Variants in TTN observed in about 807,000 individuals in gnomAD.
TTN encodes the protein connectin.
In TTN, 1,525 loss-of-function variants were observed where a neutral mutation model predicts 3,223.0. That is an observed-to-expected ratio of 0.47 (90% CI 0.45 to 0.49). The LOEUF (loss-of-function observed/expected upper bound fraction) is 0.49. TTN is among the 20% of genes least tolerant of loss of function. The probability of loss-of-function intolerance (pLI) is 0.00; values close to 1 mark genes in which losing one functional copy is unlikely to be tolerated. For synonymous variants in TTN, 14,094 were observed against 15,161.0 expected (o/e 0.93, Z 5.17); for missense variants, 40,786 against 43,424.0 (o/e 0.94, Z 5.40).
At position 178,725,537 on chromosome 2, in the gene TTN, T is replaced by C. The variant is rs1225853887; in HGVS notation, c.20667A>G (p.Lys6889=). 1.9e-6 allele frequency: 3 copies of C among 1,613,162 alleles called. No homozygotes were observed. The African/African-American group carries it at 4.0e-5, about 22-fold the overall frequency. Residue 6889 remains lysine (K), a synonymous_variant, in exon 71 of 363, where the codon AAA becomes AAG. Transcript: ENST00000589042. The stretch of plus-strand genomic sequence containing the variant: ...TTTCTCTAATCACTTCTTCCTTCTC[T>C]TTAAGCCACTGGACAAAAATAGGCT... The part of the protein sequence containing the change: ...GAQPIFVQWL[K]EKEEVIRESE...
Position 178,604,289 on chromosome 2 carries a change from G to A in TTN, c.54398C>T (p.Pro18133Leu). The stretch of plus-strand genomic sequence containing the variant: ...GACTCGGAACTCATACTGACCATTG[G>A]GGATAAGTTTCCAGATCTAGAAATT... ...EKRYGIWKLI[P>L]NGQYEFRVRA... The change falls in exon 282 of 363, where the codon CCC (proline) becomes CTC (leucine). Residue 18133 changes from proline to leucine, a missense_variant. By Grantham distance (98) the Pro-to-Leu change is moderately conservative. Transcript: ENST00000589042. The A allele has an allele frequency of 6.8e-7, 1 of 1,465,006 alleles. No individual in the cohort carries two copies. 90.8% of individuals were successfully genotyped at this position (1,465,006 alleles called of 1,614,324 possible). A position where few individuals can be genotyped will look rare whatever the true frequency, so the allele number is the denominator to read the frequency against.
Position 178,617,441 on chromosome 2 carries a change from G to T in TTN, c.47644C>A (p.Pro15882Thr), listed in dbSNP as rs1165988992. ...TQSSVQLKWE[P>T]PLKDGGSPIL... ...GGGCTTCCTCCATCTTTCAGAGGAG[G>T]TTCCCATTTGAGCTGAACTGATGAC... Residue 15882 changes from proline to threonine, a missense_variant, in exon 254 of 363, where the codon CCT becomes ACT. By Grantham distance (38) the Pro-to-Thr change is conservative. Coordinates refer to ENST00000589042, the MANE Select transcript of TTN (RefSeq NM_001267550.2). 1 of 1,597,416 alleles carries T rather than the reference G, an allele frequency of 6.3e-7. No homozygotes were observed.
At chr2:178,607,723 G>T (rs754401549) in intron 276 of TTN, 38 bp from the exon 277 acceptor site, 1 of 1,611,542 alleles carries the variant, frequency 6.2e-7, no homozygotes, top group South Asian at 1.1e-5. Context: ...GCCCATGAAA[G>T]ATTAAAAAAT....
At position 178,535,652 on chromosome 2, in the gene TTN, A is replaced by G. The variant is rs984242810; in HGVS notation, c.100963T>C (p.Phe33655Leu). The G allele has an allele frequency of 3.7e-6, 6 of 1,613,730 alleles. No individual in the cohort carries two copies. The highest frequency in any genetic ancestry group is 5.1e-6 in the Non-Finnish European group (6 of 1,179,798). ...TCTTTTCTCTCTACCCCATTGGGGA[A>G]AACAAGTGATGTGAAGGATCTTGTG... ...IVTRSFTSLVFPNGVERKDAG... is the reference protein window; with the variant it reads ...IVTRSFTSLVLPNGVERKDAG... The change falls in exon 358 of 363, where the codon TTC becomes CTC. Residue 33655 changes from phenylalanine to leucine, a missense_variant. Phe to Leu is a conservative substitution (Grantham distance 22). Transcript: ENST00000589042.
chr2:178,528,587 T>G lies in TTN; in HGVS notation c.107164A>C (p.Thr35722Pro), dbSNP rs755302099. ...GATGGCTCGCCACTGATTTCACAAG[T>G]AAAGAGAACATTTTGTCCTTCATTA... ...NINEGQNVLFTCEISGEPSPE... is the reference protein window; with the variant it reads ...NINEGQNVLFPCEISGEPSPE... The change falls in exon 360 of 363, where the codon ACT (threonine) becomes CCT (proline). Residue 35722 changes from threonine (T) to proline (P), a missense_variant. Thr to Pro is a conservative substitution (Grantham distance 38). Transcript: ENST00000589042. 1 of 1,613,186 alleles carries G rather than the reference T, an allele frequency of 6.2e-7. No individual in the cohort carries two copies. The highest frequency in any genetic ancestry group is 8.5e-7 in the Non-Finnish European group (1 of 1,179,494).
rs1185015274 is a variant in TTN, at chr2:178,634,679, GAAAT to G, written c.42151+40_42151+43del. 4 of 1,611,576 alleles carry G rather than the reference GAAAT, an allele frequency of 2.5e-6. No individual in the cohort carries two copies. Among genetic ancestry groups the G allele is most frequent in the African/African-American group, 2.7e-5 (2 of 74,624 alleles). ...GGCTTTTCAGAATGCACAGGGAAGT[GAAAT>G]AAAGTTGAGACCCCTCCCCAAATTC... On this transcript the variant is annotated intron_variant, in intron 229 of 362. Coordinates refer to ENST00000589042, the MANE Select transcript of TTN (RefSeq NM_001267550.2). This position sits in a 1 kb window ranked among gnomAD's most constrained non-coding sequence, Gnocchi z 4.6.
chr2:178,678,055 A>G (rs1434648945), intron 145 of TTN, 70 bp downstream of exon 145: 1 of 1,559,642 alleles, frequency 6.4e-7, no homozygotes, highest in Non-Finnish European at 8.7e-7. Flanking sequence ...AGCATTAATT[A>G]TAATTAGTAA....
chr2:178,587,234 T>G lies in TTN; in HGVS notation c.63977A>C (p.His21326Pro). The G allele has an allele frequency of 6.2e-7, 1 of 1,613,224 alleles. No homozygotes were observed. The highest frequency in any genetic ancestry group is 8.5e-7 in the Non-Finnish European group (1 of 1,179,454). The change falls in exon 307 of 363, where the codon CAT becomes CCT. Residue 21326 changes from histidine to proline, a missense_variant. His to Pro is a moderately conservative substitution (Grantham distance 77). Coordinates refer to ENST00000589042, the MANE Select transcript of TTN (RefSeq NM_001267550.2). ...VTPEVKKTSFHVTNLVPGNEY... is the reference protein window; with the variant it reads ...VTPEVKKTSFPVTNLVPGNEY... Reference sequence around the variant, plus strand: ...ATTCCCAGGGACAAGATTGGTTACATGGAAGCTTGTTTTCTTAACTTCTGG... The same window carrying G: ...ATTCCCAGGGACAAGATTGGTTACAGGGAAGCTTGTTTTCTTAACTTCTGG...
chr2:178,552,753 G>A lies in TTN; in HGVS notation c.90147C>T (p.Leu30049=). 6.2e-7 allele frequency: 1 copy of A among 1,613,940 alleles called. No individual in the cohort carries two copies. Among genetic ancestry groups the A allele is most frequent in the Non-Finnish European group, 8.5e-7 (1 of 1,179,832 alleles). Residue 30049 remains leucine, a synonymous_variant, in exon 335 of 363, where the codon CTC becomes CTT. Transcript: ENST00000589042. ...CATCAAAGTCAGGTTTGGTCCAGCTGAGGATGACAGATGTCTTTGTTGAGT... is the reference window on the plus strand; with the variant it reads ...CATCAAAGTCAGGTTTGGTCCAGCTAAGGATGACAGATGTCTTTGTTGAGT... ...MKDSTKTSVI[L]SWTKPDFDGG...
chr2:178,564,756 G>T lies in TTN; in HGVS notation c.81376C>A (p.Pro27126Thr). 6.2e-7 allele frequency: 1 copy of T among 1,612,454 alleles called. No homozygotes were observed. Among genetic ancestry groups the T allele is most frequent in the East Asian group, 2.2e-5 (1 of 44,654 alleles). The change falls in exon 326 of 363, where the codon CCC becomes ACC. Residue 27126 changes from proline to threonine, a missense_variant. Transcript: ENST00000589042. Reference sequence around the variant, plus strand: ...GTTTTGAATTTGGTGTCCTGAATGGGGGTCTTATTTAACTTGACCCATAAA... The same window carrying T: ...GTTTTGAATTTGGTGTCCTGAATGGTGGTCTTATTTAACTTGACCCATAAA... ...SILWVKLNKT[P>T]IQDTKFKTTG...
chr2:178,757,228 T>TACTGTACTTACTTTAAGTACAGTAAGG (rs1561095659), intron 45 of TTN, among the ~76,000 whole-genome samples: 1 of 123,578 alleles, frequency 8.1e-6, no homozygotes, highest in African/African-American at 2.6e-5. Flanking sequence ...CAGTAAGTAA[T>TACTGTACTTACTTTAAGTACAGTAAGG]AATCAGCAAA....
At chr2:178,706,833 A>G (rs1303454069) in intron 101 of TTN, 29 bp downstream of exon 101, 3 of 1,609,548 alleles carry the variant, frequency 1.9e-6, no homozygotes, top group Non-Finnish European at 2.5e-6. Flanking sequence ...AAGATAGATG[A>G]AGATGTACTT....
intron 47 of TTN, among the ~76,000 whole-genome samples, chr2:178,752,203 GCT>G (rs1281109296): frequency 1.3e-5 from 2 of 151,978 alleles, no homozygotes; most frequent in Non-Finnish European, 2.9e-5. Context: ...GCAACACCAT[GCT>G]CTGTTTAAAA....
intron 127 of TTN, among the ~76,000 whole-genome samples, chr2:178,686,994 G>A (rs1187185034): frequency 1.3e-5 from 2 of 152,164 alleles, no homozygotes; most frequent in Non-Finnish European, 2.9e-5. Context: ...CCTCTTCCAG[G>A]AAGCACAACA....
chr2:178,701,351 A>G, intron 110 of TTN, 148 bp from the exon 111 acceptor site: 2 of 1,009,966 alleles, frequency 2.0e-6, no homozygotes, highest in Non-Finnish European at 2.9e-6. Flanking sequence ...GCATTTATTT[A>G]TAACTGGAAC....
At chr2:178,715,857 GCTAGAGAGGTCTTTAGCT>G in intron 88 of TTN, 83 bp from the exon 89 acceptor site, 12 of 1,365,404 alleles carry the variant, frequency 8.8e-6, no homozygotes, top group Non-Finnish European at 1.2e-5. Context: ...AATAATCTTT[GCTAGAGAGGTCTTTAGCT>G]CTGGAAAACA....
intron 219 of TTN, 196 bp from the exon 220 acceptor site, chr2:178,641,511 T>C (rs1457501530): frequency 1.5e-5 from 6 of 388,092 alleles, no homozygotes; most frequent in South Asian, 4.6e-5. Context: ...TCAATTATAA[T>C]AGCACTCAAA....
In TTN at chr2:178,537,585, C is replaced by T; in HGVS notation, c.99622G>A (p.Gly33208Arg). 6.2e-7 allele frequency: 1 copy of T among 1,613,716 alleles called. No homozygotes were observed. Among genetic ancestry groups the T allele is most frequent in the Non-Finnish European group, 8.5e-7 (1 of 1,179,714 alleles). The change falls in exon 355 of 363, where the codon GGA becomes AGA. Residue 33208 changes from glycine to arginine, a missense_variant. By Grantham distance (125) the Gly-to-Arg change is moderately radical. Coordinates refer to ENST00000589042, the MANE Select transcript of TTN (RefSeq NM_001267550.2). ...PGYPLKEKYY[G>R]AVGSTLRLHV... ...AGCCGAAGTGTGGAACCCACAGCTC[C>T]ATAATATTTCTCTTTCAGTGGGTAA...
At position 178,572,060 on chromosome 2, in the gene TTN, G is replaced by A; in HGVS notation, c.74072C>T (p.Ala24691Val). ...QGEEYSFRVS[A>V]QNEKGISDPR... ...ATCACTGATGCCCTTTTCATTCTGA[G>A]CTGAAACACGGAAAGAGTATTCTTC... Residue 24691 changes from alanine (A) to valine (V), a missense_variant, in exon 326 of 363, where the codon GCT becomes GTT. Transcript: ENST00000589042. The A allele has an allele frequency of 6.2e-7, 1 of 1,613,228 alleles. No homozygotes were observed. Among genetic ancestry groups the A allele is most frequent in the Non-Finnish European group, 8.5e-7 (1 of 1,179,576 alleles).
Sources: gnomAD v4.1 joint callset for allele counts (sites outside exome capture counted in the v4.1 genomes callset) on GRCh38, gnomAD v4.1.1 for gene constraint, Gnocchi (gnomAD v3.1) non-coding constraint, MANE v1.5 for transcripts, NCBI Gene and HGNC (gene_info 2026-07-23, HGNC 2026-07-21) for gene names.